Variants in TMEM178A observed in about 807,000 individuals in gnomAD.
The protein encoded by TMEM178A is transmembrane protein 178.
Under a neutral mutation model 29.1 loss-of-function variants are expected in TMEM178A, and 12 were observed. The ratio of observed to expected loss-of-function variants is 0.41; its 90% confidence interval spans 0.26 to 0.67. TMEM178A has a LOEUF of 0.67. Ranked by LOEUF, TMEM178A falls within the 30% of genes least tolerant of loss-of-function variation. The pLI is 0.29. For missense variants in TMEM178A, 366 were observed against 419.1 expected, an observed-to-expected ratio of 0.87 and a Z score of 1.11; for synonymous variants, 210 against 187.2, an observed-to-expected ratio of 1.12 and a Z score of -0.99.
chr2:39,673,307 T>C (rs571564822), intron 1 of TMEM178A, among the ~76,000 whole-genome samples: 3 of 152,290 alleles, frequency 2.0e-5, no homozygotes, highest in East Asian at 3.9e-4. Context: ...CCAACAGTAA[T>C]GTCATGGGGA....
At chr2:39,732,810 C>T in the TMEM178A span, among the ~76,000 whole-genome samples, 1 of 152,174 alleles carries the variant, frequency 6.6e-6, no homozygotes, top group Non-Finnish European at 1.5e-5. Flanking sequence ...AGAGCCATCT[C>T]TTAGCCCAGG....
chr2:39,681,254 C>T (rs902743707), intron 1 of TMEM178A, among the ~76,000 whole-genome samples: 9 of 152,180 alleles, frequency 5.9e-5, no homozygotes, highest in African/African-American at 2.2e-4. Flanking sequence ...AATCCTTCCA[C>T]ACAAAGCAGA....
the TMEM178A span, among the ~76,000 whole-genome samples, chr2:39,729,348 A>G: frequency 6.6e-6 from 1 of 152,156 alleles, no homozygotes; most frequent in Non-Finnish European, 1.5e-5. Flanking sequence ...TCCTCCGCAT[A>G]GCTCACATCT....
chr2:39,734,939 G>T, the TMEM178A span, among the ~76,000 whole-genome samples: 1 of 152,084 alleles, frequency 6.6e-6, no homozygotes, highest in African/African-American at 2.4e-5. Context: ...CAACACGACT[G>T]TTACCACCCT....
At chr2:39,685,266 G>A (rs1317758715) in intron 1 of TMEM178A, among the ~76,000 whole-genome samples, 2 of 152,142 alleles carry the variant, frequency 1.3e-5, no homozygotes, top group Non-Finnish European at 2.9e-5. Flanking sequence ...CTGTTCAGGA[G>A]TGAGCTGCTC....
At chr2:39,704,470 C>T (rs1428799670) in intron 2 of TMEM178A, among the ~76,000 whole-genome samples, 4 of 152,096 alleles carry the variant, frequency 2.6e-5, no homozygotes, top group African/African-American at 4.8e-5. Context: ...TTTTGTTTGC[C>T]GAGTTGTTGG....
chr2:39,712,577 C>A (rs901413985), intron 3 of TMEM178A, among the ~76,000 whole-genome samples: 2 of 152,072 alleles, frequency 1.3e-5, no homozygotes, highest in Non-Finnish European at 2.9e-5. Flanking sequence ...TAGTTGCATG[C>A]AGGGCTTGTC....
intron 1 of TMEM178A, among the ~76,000 whole-genome samples, chr2:39,679,262 C>G (rs1020659950): frequency 1.3e-5 from 2 of 152,004 alleles, no homozygotes; most frequent in African/African-American, 4.8e-5. Flanking sequence ...CATATCTGAC[C>G]CACTCTCTTC....
downstream of TMEM178A, among the ~76,000 whole-genome samples, chr2:39,722,048 G>GGATTTAAA (rs1204010892): frequency 6.7e-6 from 1 of 149,590 alleles, no homozygotes; most frequent in Non-Finnish European, 1.5e-5. Context: ...GATGGAGAAT[G>GGATTTAAA]GATTTAAAGA....
chr2:39,695,815 G>A (rs1227772981), intron 1 of TMEM178A, among the ~76,000 whole-genome samples: 2 of 151,990 alleles, frequency 1.3e-5, no homozygotes, highest in Non-Finnish European at 2.9e-5. Context: ...TGTGATTTTC[G>A]CATCTTCTGT....
At chr2:39,700,904 G>T in intron 1 of TMEM178A, among the ~76,000 whole-genome samples, 1 of 150,344 alleles carries the variant, frequency 6.7e-6, no homozygotes, top group Admixed American at 6.6e-5. Context: ...ATCTAGTTTG[G>T]ATTAATACCA....
chr2:39,726,945 C>T, the TMEM178A span, among the ~76,000 whole-genome samples: 1 of 152,184 alleles, frequency 6.6e-6, no homozygotes, highest in Non-Finnish European at 1.5e-5. Flanking sequence ...CACTTCAAAT[C>T]TCCTGACTCT....
chr2:39,665,828 C>T (rs1312564305), upstream of TMEM178A: 2 of 703,534 alleles, frequency 2.8e-6, no homozygotes, highest in Non-Finnish European at 1.9e-6. Context: ...CGAGCCGGGC[C>T]GGGCTCGCAG....
downstream of TMEM178A, among the ~76,000 whole-genome samples, chr2:39,722,092 G>A (rs1162131210): frequency 6.6e-6 from 1 of 151,878 alleles, no homozygotes; most frequent in African/African-American, 2.4e-5. Flanking sequence ...CAGTTAGGAA[G>A]GAGGAAGTTG....
intron 1 of TMEM178A, among the ~76,000 whole-genome samples, chr2:39,701,134 A>G (rs1671763467): frequency 6.6e-6 from 1 of 152,166 alleles, no homozygotes; most frequent in Non-Finnish European, 1.5e-5. Context: ...CCTATGTTGT[A>G]ACCTTTACAT....
rs75866102 is a variant in TMEM178A, at chr2:39,668,908, C to A, written c.400+2534C>A. Among the ~76,000 whole-genome samples the A allele has an allele frequency of 7.0e-3, 1,070 of 152,234 alleles. 5 individuals are homozygous for A. Among genetic ancestry groups the A allele is most frequent in the South Asian group, 0.02 (98 of 4,810 alleles). On this transcript the variant is annotated intron_variant, in intron 1 of 3. Coordinates refer to ENST00000281961, the MANE Select transcript of TMEM178A (RefSeq NM_152390.3). ...CTGGCTCAAAGATGATTTTGGCACCCATATTAGGCAAACATTATCACCTTT... is the reference window on the plus strand; with the variant it reads ...CTGGCTCAAAGATGATTTTGGCACCAATATTAGGCAAACATTATCACCTTT...
chr2:39,683,226 G>A (rs1332382848), intron 1 of TMEM178A, among the ~76,000 whole-genome samples: 1 of 152,132 alleles, frequency 6.6e-6, no homozygotes, highest in Admixed American at 6.5e-5. Context: ...AATCTGCAAG[G>A]CTGGCAATTT....
At chr2:39,716,886 T>A in intron 3 of TMEM178A, 124 bp from the exon 4 acceptor site, 6 of 1,195,246 alleles carry the variant, frequency 5.0e-6, no homozygotes. Flanking sequence ...TAATTATGGA[T>A]CATTTGTGAA....
chr2:39,689,512 G>A (rs565640545), intron 1 of TMEM178A, among the ~76,000 whole-genome samples: 74 of 152,302 alleles, frequency 4.9e-4, no homozygotes, highest in African/African-American at 1.8e-3. Flanking sequence ...ATTGACTTTT[G>A]AATGCAAAAG....
Sources: allele counts gnomAD v4.1 joint callset (sites outside exome capture counted in the v4.1 genomes callset), GRCh38; gene constraint gnomAD v4.1.1; transcripts MANE v1.5; gene names NCBI Gene and HGNC (gene_info 2026-07-23, HGNC 2026-07-21).